Variants in HIVEP3 observed in about 807,000 individuals in gnomAD.
HIVEP3 encodes the protein HIVEP zinc finger 3.
In HIVEP3, 49 loss-of-function variants were observed where a neutral mutation model predicts 152.8. That is an observed-to-expected ratio of 0.32 (90% CI 0.26 to 0.41). HIVEP3 has a LOEUF of 0.41. HIVEP3 is among the 10% of genes least tolerant of loss of function. HIVEP3 has a pLI of 1.00. For synonymous variants in HIVEP3, 1,269 were observed against 1,289.0 expected (o/e 0.98, Z 0.33); for missense variants, 2,790 against 3,103.3 (o/e 0.90, Z 2.40).
chr1:41,689,209 T>C (rs548577599), intron 2 of HIVEP3, among the ~76,000 whole-genome samples: 77 of 152,374 alleles, frequency 5.1e-4, no homozygotes, highest in Non-Finnish European at 1.0e-3. Context: ...AGAGTGGTTC[T>C]CTCTCTACCC....
intron 1 of HIVEP3, among the ~76,000 whole-genome samples, chr1:41,939,479 T>G (rs1439417859): frequency 5.3e-5 from 8 of 152,334 alleles, no homozygotes; most frequent in South Asian, 2.1e-4. Flanking sequence ...TAGTCCTTTT[T>G]CTTTTTATTT....
chr1:41,552,367 C>A (rs1443313014), intron 5 of HIVEP3, among the ~76,000 whole-genome samples: 2 of 123,364 alleles, frequency 1.6e-5, no homozygotes, highest in African/African-American at 6.1e-5. Context: ...TCCCTCCCCC[C>A]TCCCCCCACC....
chr1:41,939,465 T>G (rs757012071), intron 1 of HIVEP3, among the ~76,000 whole-genome samples: 1 of 152,152 alleles, frequency 6.6e-6, no homozygotes, highest in Non-Finnish European at 1.5e-5. Flanking sequence ...AAGAAGAAAG[T>G]GCTTAGTCCT....
intron 2 of HIVEP3, among the ~76,000 whole-genome samples, chr1:41,690,709 G>C (rs1038592977): frequency 1.3e-5 from 2 of 152,176 alleles, no homozygotes; most frequent in Non-Finnish European, 2.9e-5. Context: ...CCTGAGGTCG[G>C]GAGTTCGAGA....
chr1:41,523,162 A>G (rs543179801), intron 6 of HIVEP3, among the ~76,000 whole-genome samples: 25 of 152,256 alleles, frequency 1.6e-4, no homozygotes, highest in African/African-American at 2.7e-4. Flanking sequence ...TTGCTCTTCC[A>G]TAAAATCTCG....
At chr1:41,846,800 C>T (rs2124376492) in intron 1 of HIVEP3, among the ~76,000 whole-genome samples, 1 of 152,304 alleles carries the variant, frequency 6.6e-6, no homozygotes, top group Middle Eastern at 3.4e-3. Flanking sequence ...TTGCCTGGTG[C>T]CTTGCAACAG....
At chr1:41,531,330 T>G (rs1192320593) in intron 5 of HIVEP3, among the ~76,000 whole-genome samples, 523 of 33,458 alleles carry the variant, frequency 0.016, no homozygotes, top group Admixed American at 0.024. Flanking sequence ...ATTGAGGACA[T>G]GAGACATAGA....
At chr1:41,905,904 T>C (rs1427946354) in intron 1 of HIVEP3, among the ~76,000 whole-genome samples, 1 of 152,170 alleles carries the variant, frequency 6.6e-6, no homozygotes, top group Non-Finnish European at 1.5e-5. Flanking sequence ...GGAGTTCACC[T>C]AGGAGAGCTG....
In HIVEP3 at chr1:41,511,558, G is replaced by T. The variant is rs1283175609; in HGVS notation, c.6406-292C>A. On this transcript the variant is annotated intron_variant, in intron 8 of 8. Coordinates refer to ENST00000372583, the MANE Select transcript of HIVEP3 (RefSeq NM_024503.5). The surrounding 1 kb of genome is among the most constrained non-coding windows in gnomAD (Gnocchi z 4.9). ...TCTTCAAAGGAGGGGATACTTGAGC[G>T]ACGTGGGGCCCTGTTGTCACCCATG... is the stretch of plus-strand genomic sequence containing the variant. Among the ~76,000 whole-genome samples, 1 of 152,176 alleles carries T rather than the reference G, an allele frequency of 6.6e-6. No homozygotes were observed. The highest frequency in any genetic ancestry group is 1.5e-5 in the Non-Finnish European group (1 of 68,046).
chr1:42,004,682 G>C (rs1468816745), intron 1 of HIVEP3, among the ~76,000 whole-genome samples: 1 of 152,158 alleles, frequency 6.6e-6, no homozygotes, highest in Non-Finnish European at 1.5e-5. Flanking sequence ...GAACTATTAG[G>C]AAAATCCTAT....
upstream of HIVEP3, among the ~76,000 whole-genome samples, chr1:41,922,887 G>T (rs913455629): frequency 6.6e-6 from 1 of 152,044 alleles, no homozygotes; most frequent in African/African-American, 2.4e-5. Context: ...GATTGTTATG[G>T]CAGGCCAATA....
At chr1:41,904,265 G>A (rs566059542) in intron 1 of HIVEP3, among the ~76,000 whole-genome samples, 80 of 152,226 alleles carry the variant, frequency 5.3e-4, no homozygotes, top group Middle Eastern at 3.4e-3. Context: ...ACAGGCCTGT[G>A]CTTTAACTGT....
chr1:41,816,405 G>T (rs545669797), intron 1 of HIVEP3, among the ~76,000 whole-genome samples: 148 of 152,280 alleles, frequency 9.7e-4, no homozygotes, highest in African/African-American at 3.0e-3. Context: ...CATCTGTTAC[G>T]GCTGGGTGCA....
intron 1 of HIVEP3, among the ~76,000 whole-genome samples, chr1:41,731,338 G>A (rs1289238145): frequency 6.6e-6 from 1 of 152,144 alleles, no homozygotes; most frequent in African/African-American, 2.4e-5. Flanking sequence ...CAGGGCCCCA[G>A]TAAGCCCCCG....
rs150460523 is a variant in HIVEP3 at position 41,801,557 on chromosome 1, A to G, written c.-800-100562T>C. Among the ~76,000 whole-genome samples, 1,208 of 152,254 alleles carry G rather than the reference A, an allele frequency of 7.9e-3. 13 individuals carry two copies. The highest frequency in any genetic ancestry group is 8.2e-3 in the Non-Finnish European group (555 of 68,022). On this transcript the variant is annotated intron_variant, in intron 1 of 8. Coordinates refer to ENST00000372583, the MANE Select transcript of HIVEP3 (RefSeq NM_024503.5). ...TGATTGAGAAAATACACATGTGAAAATAGATATCAGTTCTCCTTATAATAA... is the reference window on the plus strand; with the variant it reads ...TGATTGAGAAAATACACATGTGAAAGTAGATATCAGTTCTCCTTATAATAA...
In HIVEP3 at chr1:41,883,852, T is replaced by C. The variant is rs1318485625; in HGVS notation, c.-801+34561A>G. On this transcript the variant is annotated intron_variant, in intron 1 of 8. Transcript: ENST00000372583. ...CCCCCCAACTCTAAAGTTGTAACCA[T>C]ACATACTTAAGCTAGAAAATTTAAA... 5.9e-5 allele frequency among the ~76,000 whole-genome samples: 9 copies of C among 152,260 alleles called. No individual in the cohort carries two copies. In the South Asian group the frequency reaches 8.3e-4, roughly 14 times the overall value.
intron 1 of HIVEP3, among the ~76,000 whole-genome samples, chr1:41,868,196 G>GT (rs1210186542): frequency 1.8e-5 from 1 of 54,914 alleles, no homozygotes; most frequent in Non-Finnish European, 4.3e-5. Flanking sequence ...AGTTTGTGGG[G>GT]GTTTTTTTTT....
At chr1:41,845,683 G>C (rs1416333592) in intron 1 of HIVEP3, among the ~76,000 whole-genome samples, 1 of 152,012 alleles carries the variant, frequency 6.6e-6, no homozygotes, top group Non-Finnish European at 1.5e-5. Flanking sequence ...TAGATGGCTG[G>C]GCATGTAAAC....
At chr1:41,950,344 C>T (rs896605896) in intron 1 of HIVEP3, among the ~76,000 whole-genome samples, 16 of 151,886 alleles carry the variant, frequency 1.1e-4, no homozygotes, top group African/African-American at 1.7e-4. Context: ...CAAAAAAAAA[C>T]GTGGTACCAT....
Sources: gnomAD v4.1 joint callset for allele counts (sites outside exome capture counted in the v4.1 genomes callset) on GRCh38, gnomAD v4.1.1 for gene constraint, Gnocchi (gnomAD v3.1) non-coding constraint, MANE v1.5 for transcripts, NCBI Gene and HGNC (gene_info 2026-07-23, HGNC 2026-07-21) for gene names.